Variants in XKR6 observed in about 807,000 individuals in gnomAD.
XKR6 encodes XK-related protein 6.
In XKR6, 22 loss-of-function variants were observed where a neutral mutation model predicts 56.7. That is an observed-to-expected ratio of 0.39 (90% CI 0.28 to 0.55). The LOEUF (loss-of-function observed/expected upper bound fraction) is 0.55. Among genes scored for constraint, XKR6 ranks in the 20% least tolerant of loss-of-function variants. The pLI is 0.66. For synonymous variants in XKR6, 524 were observed against 387.8 expected (o/e 1.35, Z -4.13); for missense variants, 852 against 889.0 (o/e 0.96, Z 0.53).
chr8:10,924,981 G>A lies in XKR6; in HGVS notation c.765-151C>T, dbSNP rs932495189. On this transcript the variant is annotated intron_variant, in intron 1 of 2. Coordinates refer to ENST00000416569, the MANE Select transcript of XKR6 (RefSeq NM_173683.4). ...AGAGGCTTGGACGGGGCTCTGGGGG[G>A]CTCCCGGCAAAAGGACATGATGCTG... The A allele has an allele frequency of 8.4e-6, 7 of 831,802 alleles. No homozygotes were observed. In the Admixed American group the frequency reaches 8.7e-5, roughly 10 times the overall value. The allele number at this position is 831,802 out of a possible 1,614,324, so 51.5% of individuals were successfully genotyped here.
chr8:11,095,775 T>C (rs1031082824), intron 1 of XKR6, among the ~76,000 whole-genome samples: 8 of 152,216 alleles, frequency 5.3e-5, no homozygotes, highest in African/African-American at 1.7e-4. Context: ...CAGGCACTGG[T>C]AACATTTAAA....
Position 10,905,622 on chromosome 8 carries a change from C to T in XKR6, c.962-6706G>A, listed in dbSNP as rs1408324143. 5.9e-5 allele frequency among the ~76,000 whole-genome samples: 9 copies of T among 152,276 alleles called. 1 individual carries two copies. The Middle Eastern group carries it at 0.02, about 345-fold the overall frequency. On this transcript the variant is annotated intron_variant, in intron 2 of 2. Transcript: ENST00000416569. Reference sequence around the variant, plus strand: ...GCTTAGCTGGTTATCTGTCAGTCTGCATATCAAGGACAACATCTCCCTCTT... The same window carrying T: ...GCTTAGCTGGTTATCTGTCAGTCTGTATATCAAGGACAACATCTCCCTCTT...
At chr8:10,977,610 A>G (rs1802604050) in intron 1 of XKR6, among the ~76,000 whole-genome samples, 1 of 148,882 alleles carries the variant, frequency 6.7e-6, no homozygotes, top group Non-Finnish European at 1.5e-5. Context: ...ACCCCGACTA[A>G]TTGCTGTTGC....
chr8:11,122,491 G>A (rs1038521674), intron 1 of XKR6, among the ~76,000 whole-genome samples: 1 of 152,250 alleles, frequency 6.6e-6, no homozygotes, highest in African/African-American at 2.4e-5. Context: ...CAAAATGACA[G>A]GAGTCTCACA....
At chr8:11,012,340 T>C (rs1233993666) in intron 1 of XKR6, among the ~76,000 whole-genome samples, 1 of 152,254 alleles carries the variant, frequency 6.6e-6, no homozygotes, top group East Asian at 1.9e-4. Flanking sequence ...GCTCTCCATT[T>C]CTTATTTGTA....
intron 1 of XKR6, among the ~76,000 whole-genome samples, chr8:11,086,540 C>A (rs933362577): frequency 3.3e-5 from 5 of 152,226 alleles, no homozygotes; most frequent in Non-Finnish European, 7.3e-5. Flanking sequence ...GCCCAGCCCA[C>A]ATGAAGGCAA....
At chr8:11,194,804 C>T (rs889199309) in intron 1 of XKR6, 3 of 321,386 alleles carry the variant, frequency 9.3e-6, no homozygotes, top group South Asian at 4.4e-5. Context: ...CAACTTGTGA[C>T]TTCTAGTAAG....
Position 11,180,438 on chromosome 8 carries a change from G to C in XKR6, c.764+20138C>G, listed in dbSNP as rs1166297760. ...TATCACCCTTGGCCTCTACCAACTA[G>C]ATGCCAGTAGCACCCCTCCAGCTGT... On this transcript the variant is annotated intron_variant, in intron 1 of 2. Coordinates refer to ENST00000416569, the MANE Select transcript of XKR6 (RefSeq NM_173683.4). Among the ~76,000 whole-genome samples the C allele has an allele frequency of 2.6e-5, 4 of 152,196 alleles. No homozygotes were observed. In the South Asian group the frequency reaches 6.2e-4, roughly 24 times the overall value.
chr8:11,123,901 C>T (rs765617937), intron 1 of XKR6: 11 of 456,102 alleles, frequency 2.4e-5, no homozygotes, highest in Middle Eastern at 6.5e-4. Context: ...GACTGCCCTT[C>T]CCTCCCTCAT....
chr8:11,075,257 C>T (rs1405305475), intron 1 of XKR6, among the ~76,000 whole-genome samples: 3 of 152,188 alleles, frequency 2.0e-5, no homozygotes, highest in Admixed American at 6.5e-5. Context: ...GGTCTTACTC[C>T]GGAAGTAAGC....
At chr8:11,036,304 A>G (rs1799141843) in intron 1 of XKR6, among the ~76,000 whole-genome samples, 1 of 152,210 alleles carries the variant, frequency 6.6e-6, no homozygotes, top group Non-Finnish European at 1.5e-5. Flanking sequence ...GTAGGATTCT[A>G]GGAAAGTTTC....
intron 1 of XKR6, chr8:11,108,523 A>T: frequency 8.1e-6 from 3 of 368,392 alleles, no homozygotes; most frequent in South Asian, 6.3e-5. Flanking sequence ...AGCCAGCAGG[A>T]GGCATTGCCT....
At chr8:10,913,818 T>C (rs932130906) in intron 2 of XKR6, among the ~76,000 whole-genome samples, 1 of 152,160 alleles carries the variant, frequency 6.6e-6, no homozygotes, top group Non-Finnish European at 1.5e-5. Flanking sequence ...CCCAAAGTCC[T>C]TGGTGACTGC....
chr8:11,087,866 G>A (rs9657545), intron 1 of XKR6, among the ~76,000 whole-genome samples: 46,503 of 152,124 alleles, frequency 0.31, 7,673 homozygotes, highest in African/African-American at 0.39. Context: ...GAGGCAGAGA[G>A]CAGAGATTTC....
At chr8:11,019,907 G>A (rs569208928) in intron 1 of XKR6, among the ~76,000 whole-genome samples, 103 of 152,260 alleles carry the variant, frequency 6.8e-4, no homozygotes, top group Admixed American at 1.3e-3. Context: ...CTTCCCAGCC[G>A]GGCCAGAGTG....
intron 1 of XKR6, among the ~76,000 whole-genome samples, chr8:11,099,092 TG>T (rs1413865811): frequency 1.3e-5 from 2 of 152,140 alleles, no homozygotes; most frequent in Non-Finnish European, 2.9e-5. Context: ...CGCCCTCCTC[TG>T]TCCAAAAAGC....
intron 1 of XKR6, among the ~76,000 whole-genome samples, chr8:11,061,388 C>A (rs903753656): frequency 1.3e-5 from 2 of 151,948 alleles, no homozygotes; most frequent in Non-Finnish European, 2.9e-5. Context: ...ATCACCTGAA[C>A]CTGGGGAGGC....
In XKR6 at chr8:10,934,907, G is replaced by A. The variant is rs1001572175; in HGVS notation, c.765-10077C>T. On this transcript the variant is annotated intron_variant, in intron 1 of 2. Transcript: ENST00000416569. ...CGGCTTTGGTATCAGAATGACGCTG[G>A]CCTCATAAAATGAGTTAGGGAGGAT... Among the ~76,000 whole-genome samples, 3 of 115,188 alleles carry A rather than the reference G, an allele frequency of 2.6e-5. 1 individual carries two copies. Among genetic ancestry groups the A allele is most frequent in the Non-Finnish European group, 5.6e-5 (3 of 53,256 alleles). 75.6% of individuals were successfully genotyped at this position (115,188 alleles called of 152,430 possible). A position where few individuals can be genotyped will look rare whatever the true frequency, so the allele number is the denominator to read the frequency against.
At chr8:11,019,675 TGAGGCTGCAGGGCC>T (rs1798706174) in intron 1 of XKR6, among the ~76,000 whole-genome samples, 1 of 152,118 alleles carries the variant, frequency 6.6e-6, no homozygotes, top group Non-Finnish European at 1.5e-5. Flanking sequence ...CATGGTGAGC[TGAGGCTGCAGGGCC>T]GTAACCCTGG....
Sources: allele counts gnomAD v4.1 joint callset (sites outside exome capture counted in the v4.1 genomes callset), GRCh38; gene constraint gnomAD v4.1.1; transcripts MANE v1.5; gene names NCBI Gene and HGNC (gene_info 2026-07-23, HGNC 2026-07-21).